ABLIM1: variants seen among roughly 807,000 people sequenced by gnomAD.
The protein encoded by ABLIM1 is actin binding LIM protein 1.
Under a neutral mutation model 107.0 loss-of-function variants are expected in ABLIM1, and 40 were observed. The ratio of observed to expected loss-of-function variants is 0.37; its 90% CI spans 0.29 to 0.49. The LOEUF is 0.49. Among genes scored for constraint, ABLIM1 ranks in the 20% least tolerant of loss-of-function variants. ABLIM1 has a pLI of 0.97. For synonymous variants in ABLIM1, 357 were observed against 357.3 expected (o/e 1.00, Z 0.01); for missense variants, 857 against 1,008.5 (o/e 0.85, Z 2.04).
chr10:114,443,193 C>T (rs2060449810), intron 17 of ABLIM1, among the ~76,000 whole-genome samples: 1 of 152,180 alleles, frequency 6.6e-6, no homozygotes, highest in Non-Finnish European at 1.5e-5. Flanking sequence ...AGAGAATTGG[C>T]TTATGACAAA....
intron 10 of ABLIM1, among the ~76,000 whole-genome samples, chr10:114,470,761 T>C (rs773332508): frequency 2.0e-5 from 3 of 152,252 alleles, no homozygotes; most frequent in Non-Finnish European, 4.4e-5. Context: ...GGTATTCTTG[T>C]TCTCTATCTT....
chr10:114,547,590 CA>C, intron 5 of ABLIM1, 59 bp downstream of exon 5: 1 of 1,601,944 alleles, frequency 6.2e-7, no homozygotes, highest in Non-Finnish European at 8.5e-7. Flanking sequence ...CCAGGACCTG[CA>C]GAAGAACCAC....
At chr10:114,526,628 A>G (rs2040366990) in intron 6 of ABLIM1, 1 of 985,542 alleles carries the variant, frequency 1.0e-6, no homozygotes, top group Non-Finnish European at 1.2e-6. Context: ...AAAGCAAAGG[A>G]CATAGGTCAC....
intron 14 of ABLIM1, 57 bp downstream of exon 14, chr10:114,451,567 G>A (rs1235870340): frequency 6.7e-7 from 1 of 1,500,404 alleles, no homozygotes; most frequent in African/African-American, 1.4e-5. Flanking sequence ...AGGACAGCAA[G>A]GAGAAGTTCA....
intron 10 of ABLIM1, among the ~76,000 whole-genome samples, chr10:114,471,168 T>C (rs1006774472): frequency 6.6e-6 from 1 of 152,252 alleles, no homozygotes; most frequent in Admixed American, 6.5e-5. Context: ...GTGCTGGTAT[T>C]ACGGACATGA....
Position 114,473,082 on chromosome 10 carries a change from C to T in ABLIM1, c.1170G>A (p.Pro390=), listed in dbSNP as rs370279597. 17 of 1,613,218 alleles carry T rather than the reference C, an allele frequency of 1.1e-5. No individual in the cohort carries two copies. Among genetic ancestry groups the T allele is most frequent in the Admixed American group, 1.7e-5 (1 of 59,916 alleles). ...CAATGTCATAAATTGCCTTGACCTT[C>T]GGAATGGCTGCTAAATCCTTGTAAT... The part of the protein sequence containing the change: ...ILDYKDLAAI[P]KVKAIYDIER... The change falls in exon 10 of 23, where the codon CCG becomes CCA. Residue 390 remains proline (P), a synonymous_variant. Transcript: ENST00000533213.
chr10:114,690,638 T>C, intron 1 of ABLIM1: 2 of 724,878 alleles, frequency 2.8e-6, no homozygotes, highest in Non-Finnish European at 2.5e-6. Context: ...TGGGATTGAC[T>C]ATGGCTGATA....
the ABLIM1 span, among the ~76,000 whole-genome samples, chr10:114,796,086 T>C: frequency 1.3e-5 from 2 of 152,182 alleles, no homozygotes; most frequent in African/African-American, 2.4e-5. Context: ...AGCCCTGTGT[T>C]CTCACTTCAT....
intron 1 of ABLIM1, among the ~76,000 whole-genome samples, chr10:114,612,816 A>C (rs1816902589): frequency 6.6e-6 from 1 of 152,218 alleles, no homozygotes; most frequent in Non-Finnish European, 1.5e-5. Flanking sequence ...ATTTACAGAA[A>C]TACAAGTTAA....
At chr10:114,740,972 G>T (rs1220780256) in intron 1 of ABLIM1, among the ~76,000 whole-genome samples, 4 of 151,240 alleles carry the variant, frequency 2.6e-5, no homozygotes. Context: ...AGCGGGGGTT[G>T]CAGTGAGCTG....
chr10:114,567,039 ACT>A (rs1487157531), intron 4 of ABLIM1, among the ~76,000 whole-genome samples: 2 of 152,138 alleles, frequency 1.3e-5, no homozygotes, highest in African/African-American at 2.4e-5. Flanking sequence ...ACAGAGCGAG[ACT>A]CTGTCTCAAA....
intron 2 of ABLIM1, among the ~76,000 whole-genome samples, chr10:114,596,571 C>T (rs1444866874): frequency 5.3e-5 from 8 of 152,114 alleles, no homozygotes; most frequent in Non-Finnish European, 1.2e-4. Context: ...CATCAGATCC[C>T]ACAATGTCAG....
intron 4 of ABLIM1, among the ~76,000 whole-genome samples, chr10:114,554,689 C>G (rs2497729): frequency 0.37 from 56,449 of 152,012 alleles, 13,820 homozygotes; most frequent in African/African-American, 0.7. Flanking sequence ...GAGTGACAGA[C>G]TGAGACCCTG....
At chr10:114,602,043 G>A in intron 1 of ABLIM1, 82 bp from the exon 2 acceptor site, 1 of 1,566,160 alleles carries the variant, frequency 6.4e-7, no homozygotes, top group Non-Finnish European at 8.7e-7. Flanking sequence ...TGTAATTTTG[G>A]TGTCAAATGA....
At chr10:114,510,029 G>C (rs890232317) in intron 6 of ABLIM1, among the ~76,000 whole-genome samples, 2 of 152,132 alleles carry the variant, frequency 1.3e-5, no homozygotes, top group African/African-American at 4.8e-5. Flanking sequence ...AGAACAGCAT[G>C]GAAAAGACCC....
intron 6 of ABLIM1, among the ~76,000 whole-genome samples, chr10:114,524,504 T>C (rs1405055313): frequency 1.3e-5 from 2 of 152,040 alleles, no homozygotes; most frequent in African/African-American, 4.8e-5. Context: ...AATGAAAGCA[T>C]TCACTTGCAG....
At chr10:114,727,088 T>C (rs2081976236) in intron 1 of ABLIM1, among the ~76,000 whole-genome samples, 1 of 152,326 alleles carries the variant, frequency 6.6e-6, no homozygotes, top group East Asian at 1.9e-4. Flanking sequence ...CCTTTGGAAA[T>C]TGACATGCAC....
At chr10:114,761,187 G>A (rs902285596) in intron 1 of ABLIM1, among the ~76,000 whole-genome samples, 4 of 151,566 alleles carry the variant, frequency 2.6e-5, no homozygotes, top group Non-Finnish European at 5.9e-5. Flanking sequence ...GAAGAAAGAT[G>A]AAATGAAGAA....
At chr10:114,468,386 T>A (rs961793351) in intron 10 of ABLIM1, 170 bp from the exon 11 acceptor site, 3 of 579,574 alleles carry the variant, frequency 5.2e-6, no homozygotes, top group Non-Finnish European at 9.4e-6. Flanking sequence ...GCGATTCTCC[T>A]GCCTCAGCCT....
Sources: gnomAD v4.1 joint callset for allele counts (sites outside exome capture counted in the v4.1 genomes callset) on GRCh38, gnomAD v4.1.1 for gene constraint, MANE v1.5 for transcripts, NCBI Gene and HGNC (gene_info 2026-07-23, HGNC 2026-07-21) for gene names.